CDC14B: variants seen among roughly 807,000 people sequenced by gnomAD.
The protein encoded by CDC14B is dual specificity protein phosphatase CDC14B.
A neutral mutation model predicts 64.2 loss-of-function variants in CDC14B; 22 were observed. The ratio of observed to expected loss-of-function variants is 0.34; its 90% confidence interval spans 0.24 to 0.49. The LOEUF (loss-of-function observed/expected upper bound fraction) is 0.49. Among genes scored for constraint, CDC14B ranks in the 20% least tolerant of loss-of-function variants. The pLI is 0.99. For missense variants in CDC14B, 498 were observed against 629.9 expected, an observed-to-expected ratio of 0.79 and a Z score of 2.24; for synonymous variants, 191 against 215.8, an observed-to-expected ratio of 0.89 and a Z score of 1.01.
At chr9:96,556,661 C>T (rs898267955) in intron 4 of CDC14B, among the ~76,000 whole-genome samples, 3 of 152,110 alleles carry the variant, frequency 2.0e-5, no homozygotes, top group East Asian at 3.9e-4. Context: ...GTAGCAAACA[C>T]GTATCTACCA....
chr9:96,574,430 C>CA (rs1192702392), intron 1 of CDC14B, among the ~76,000 whole-genome samples: 2 of 151,076 alleles, frequency 1.3e-5, no homozygotes, highest in Non-Finnish European at 2.9e-5. Flanking sequence ...ACACCAAAGA[C>CA]AAAAAAATAC....
intron 12 of CDC14B, among the ~76,000 whole-genome samples, chr9:96,517,358 A>T (rs191468190): frequency 0.022 from 3,257 of 146,182 alleles, 120 homozygotes; most frequent in African/African-American, 0.079. Context: ...TAAAAAAAAT[A>T]AAAAAAAATA....
At chr9:96,611,422 T>C (rs1451721729) in intron 1 of CDC14B, among the ~76,000 whole-genome samples, 1 of 152,216 alleles carries the variant, frequency 6.6e-6, no homozygotes, top group Non-Finnish European at 1.5e-5. Flanking sequence ...ACTTACCTCA[T>C]TCATAAAGAT....
At chr9:96,553,059 C>T (rs936481565) in intron 4 of CDC14B, among the ~76,000 whole-genome samples, 3 of 152,216 alleles carry the variant, frequency 2.0e-5, no homozygotes, top group Admixed American at 2.0e-4. Flanking sequence ...GGTTTCATTA[C>T]ACACCAATCC....
intron 9 of CDC14B, among the ~76,000 whole-genome samples, chr9:96,526,539 T>C (rs1293307905): frequency 6.6e-6 from 1 of 152,148 alleles, no homozygotes; most frequent in Non-Finnish European, 1.5e-5. Context: ...TTAACTTCTG[T>C]TGTTTAAGCC....
chr9:96,584,525 G>C (rs559519426), intron 1 of CDC14B, among the ~76,000 whole-genome samples: 1 of 152,124 alleles, frequency 6.6e-6, no homozygotes, highest in Non-Finnish European at 1.5e-5. Flanking sequence ...ATTCTTCTAG[G>C]ATAAGCCAAG....
chr9:96,514,600 T>G, intron 12 of CDC14B: 1 of 985,452 alleles, frequency 1.0e-6, no homozygotes, highest in Non-Finnish European at 1.2e-6. Context: ...CAGAGTTGGT[T>G]GCAATGGAAT....
chr9:96,606,694 G>C (rs1488968602), intron 1 of CDC14B, among the ~76,000 whole-genome samples: 1 of 151,756 alleles, frequency 6.6e-6, no homozygotes, highest in East Asian at 1.9e-4. Flanking sequence ...AGCCTCCCAA[G>C]GAGCTGGGAT....
intron 1 of CDC14B, among the ~76,000 whole-genome samples, chr9:96,575,334 C>T (rs1265375049): frequency 6.6e-6 from 1 of 152,206 alleles, no homozygotes; most frequent in Non-Finnish European, 1.5e-5. Flanking sequence ...GTCTGTTTGA[C>T]TCCTGTGTTT....
At chr9:96,585,945 A>G (rs1477132982) in intron 1 of CDC14B, among the ~76,000 whole-genome samples, 1 of 152,230 alleles carries the variant, frequency 6.6e-6, no homozygotes, top group Non-Finnish European at 1.5e-5. Context: ...GTACTGATAC[A>G]CAAAAGGAGA....
At chr9:96,571,236 C>T (rs1347155183) in intron 1 of CDC14B, among the ~76,000 whole-genome samples, 1 of 150,174 alleles carries the variant, frequency 6.7e-6, no homozygotes. Context: ...AGTGCAGTGG[C>T]GCAATCTCAG....
At chr9:96,543,306 C>A (rs975287582) in intron 5 of CDC14B, among the ~76,000 whole-genome samples, 1 of 151,966 alleles carries the variant, frequency 6.6e-6, no homozygotes. Context: ...TGCACTCCAG[C>A]CTGGGTGACA....
intron 5 of CDC14B, among the ~76,000 whole-genome samples, chr9:96,544,524 T>G (rs1465168606): frequency 6.6e-6 from 1 of 152,192 alleles, no homozygotes; most frequent in African/African-American, 2.4e-5. Context: ...AGACACGGTC[T>G]CACTATGTTG....
intron 13 of CDC14B, among the ~76,000 whole-genome samples, chr9:96,495,105 A>T (rs894627939): frequency 1.3e-4 from 20 of 151,992 alleles, no homozygotes; most frequent in African/African-American, 4.8e-4. Flanking sequence ...AAGTGCTGGG[A>T]TTACAGGCGT....
At chr9:96,522,380 G>C (rs754242466) in intron 12 of CDC14B, 126 bp downstream of exon 12, 35 of 708,328 alleles carry the variant, frequency 4.9e-5, no homozygotes, top group Non-Finnish European at 8.2e-5. Flanking sequence ...AAATAACATA[G>C]GCAAGCATTT....
At chr9:96,556,307 TAC>T (rs763649775) in intron 4 of CDC14B, among the ~76,000 whole-genome samples, 6 of 152,044 alleles carry the variant, frequency 3.9e-5, no homozygotes, top group Non-Finnish European at 5.9e-5. Flanking sequence ...AGCCAGATGA[TAC>T]AGTCTTTCCT....
chr9:96,531,125 T>C (rs1838413926), intron 9 of CDC14B, among the ~76,000 whole-genome samples: 1 of 152,194 alleles, frequency 6.6e-6, no homozygotes, highest in Non-Finnish European at 1.5e-5. Context: ...TTATAGTGTC[T>C]TTTTGTTTTT....
rs556483857 is a variant in CDC14B at position 96,542,492 on chromosome 9, G to GT, written c.498-601dup. Reference sequence around the variant, plus strand: ...ACCCATTTAACTGGGTAACTTCTGGGTTTTTTTTTTAAACTTTTTTATAGA... The same window carrying GT: ...ACCCATTTAACTGGGTAACTTCTGGGTTTTTTTTTTTAAACTTTTTTATAGA... On this transcript the variant is annotated intron_variant, in intron 5 of 13. Transcript: ENST00000375241. Among the ~76,000 whole-genome samples the GT allele has an allele frequency of 6.2e-3, 923 of 148,862 alleles. 6 individuals carry two copies. The highest frequency in any genetic ancestry group is 8.6e-3 in the Non-Finnish European group (573 of 66,954).
In CDC14B at chr9:96,565,379, A is replaced by G. The variant is rs891445328; in HGVS notation, c.251+14T>C. 3 of 1,479,656 alleles carry G rather than the reference A, an allele frequency of 2.0e-6. No individual in the cohort carries two copies. In the African/African-American group the frequency reaches 4.2e-5, roughly 21 times the overall value. 91.7% of individuals were successfully genotyped at this position (1,479,656 alleles called of 1,614,324 possible). A position where few individuals can be genotyped will look rare whatever the true frequency, so the allele number is the denominator to read the frequency against. The stretch of plus-strand genomic sequence containing the variant: ...AAAACAAAAAGTTAAAATCTTTTAA[A>G]GAGCAATACTTACTTCTCATATTCA... On this transcript the variant is annotated intron_variant, in intron 2 of 13. Coordinates refer to ENST00000375241, the MANE Select transcript of CDC14B (RefSeq NM_033331.4).
Sources: gnomAD v4.1 joint callset for allele counts (sites outside exome capture counted in the v4.1 genomes callset) on GRCh38, gnomAD v4.1.1 for gene constraint, MANE v1.5 for transcripts, NCBI Gene and HGNC (gene_info 2026-07-23, HGNC 2026-07-21) for gene names.